The following MAPKAPK5 variants were observed in gnomAD, a reference collection of about 807,000 sequenced individuals.
MAPKAPK5 encodes the protein MAP kinase-activated protein kinase 5.
A neutral mutation model predicts 65.1 loss-of-function variants in MAPKAPK5; 30 were observed. The ratio of observed to expected loss-of-function variants is 0.46; its 90% CI spans 0.34 to 0.63. The LOEUF (loss-of-function observed/expected upper bound fraction) is 0.63. MAPKAPK5 is among the 20% of genes least tolerant of loss of function. The pLI, the probability that MAPKAPK5 is intolerant of heterozygous loss-of-function variation, is 0.01. For synonymous variants in MAPKAPK5, 179 were observed against 204.6 expected (o/e 0.87, Z 1.07); for missense variants, 433 against 581.4 (o/e 0.74, Z 2.63).
intron 7 of MAPKAPK5, among the ~76,000 whole-genome samples, chr12:111,874,487 T>TG (rs1692382011): frequency 1.3e-5 from 2 of 149,712 alleles, no homozygotes; most frequent in East Asian, 3.9e-4. Flanking sequence ...TTTTTTTTTT[T>TG]GAGATGGAAT....
Position 111,883,366 on chromosome 12 carries a change from C to T in MAPKAPK5, c.661-215C>T, listed in dbSNP as rs1338448672. On this transcript the variant is annotated intron_variant, in intron 8 of 13. Coordinates refer to ENST00000550735, the MANE Select transcript of MAPKAPK5 (RefSeq NM_003668.4). This position sits in a 1 kb window ranked among gnomAD's most constrained non-coding sequence, Gnocchi z 4.8. ...CTGCACTCCAGCCTGGGCAACAGAG[C>T]AAGACTCTGTCTCAAAGAAAAAAAA... Among the ~76,000 whole-genome samples the T allele has an allele frequency of 6.6e-6, 1 of 151,784 alleles. No individual in the cohort carries two copies. Among genetic ancestry groups the T allele is most frequent in the Non-Finnish European group, 1.5e-5 (1 of 67,944 alleles).
At chr12:111,855,853 CTT>C (rs144921229) in intron 1 of MAPKAPK5, among the ~76,000 whole-genome samples, 5 of 135,720 alleles carry the variant, frequency 3.7e-5, no homozygotes, top group Admixed American at 2.2e-4. Context: ...TGTTTAATTT[CTT>C]TTTTTTTTTT....
At chr12:111,845,156 A>G (rs1233810432) in intron 1 of MAPKAPK5, among the ~76,000 whole-genome samples, 1 of 151,652 alleles carries the variant, frequency 6.6e-6, no homozygotes, top group Non-Finnish European at 1.5e-5. Context: ...ACAGAGTCTC[A>G]CTCTGTCACC....
chr12:111,887,850 C>CAT, intron 10 of MAPKAPK5: 1 of 143,938 alleles, frequency 6.9e-6, no homozygotes, highest in Non-Finnish European at 1.5e-5. Flanking sequence ...CACACACACA[C>CAT]ACACATTCTG....
chr12:111,892,937 G>T, intron 13 of MAPKAPK5, 30 bp from the exon 14 acceptor site: 1 of 1,501,656 alleles, frequency 6.7e-7, no homozygotes. Flanking sequence ...AAGAATTTGA[G>T]GACTGACCTT....
At position 111,897,911 on chromosome 12, in the gene MAPKAPK5, G is replaced by A. The variant is rs898424351; in HGVS notation, c.*4850G>A. On this transcript the variant is annotated 3_prime_UTR_variant, in exon 14 of 14. Coordinates refer to ENST00000550735, the MANE Select transcript of MAPKAPK5 (RefSeq NM_003668.4). ...AATTATACAAGATAAAAAATGTAGA[G>A]TTTTATTTTTCTTCATCTAGAATGC... 1 of 151,406 alleles carries A rather than the reference G, an allele frequency of 6.6e-6. No individual in the cohort carries two copies. Among genetic ancestry groups the A allele is most frequent in the Admixed American group, 6.6e-5 (1 of 15,090 alleles). The allele number at this position is 151,406 out of a possible 1,614,324, so 9.4% of individuals were successfully genotyped here.
intron 5 of MAPKAPK5, among the ~76,000 whole-genome samples, 176 bp downstream of exon 5, chr12:111,869,037 T>TG (rs1160349586): frequency 1.3e-5 from 2 of 152,142 alleles, no homozygotes; most frequent in Non-Finnish European, 2.9e-5. Flanking sequence ...CTTTTATACT[T>TG]GGGGGTGGGG....
intron 5 of MAPKAPK5, 93 bp downstream of exon 5, chr12:111,868,954 G>T: frequency 2.1e-6 from 2 of 973,212 alleles, no homozygotes; most frequent in Non-Finnish European, 3.1e-6. Flanking sequence ...TTAAAGAAAA[G>T]CTCTATTTGA....
At chr12:111,842,835 A>G (rs1431607937) in intron 1 of MAPKAPK5, 66 bp downstream of exon 1, 8 of 1,257,440 alleles carry the variant, frequency 6.4e-6, no homozygotes, top group Admixed American at 3.9e-5. Flanking sequence ...TCTAGCCTCA[A>G]AAAGCAGGGA....
At chr12:111,850,569 C>T (rs529269536) in intron 1 of MAPKAPK5, among the ~76,000 whole-genome samples, 7 of 152,186 alleles carry the variant, frequency 4.6e-5, no homozygotes, top group East Asian at 1.9e-4. Flanking sequence ...GACCAAGAGG[C>T]GGCAAACAAG....
intron 8 of MAPKAPK5, among the ~76,000 whole-genome samples, chr12:111,881,652 C>T (rs555347402): frequency 1.3e-5 from 2 of 152,010 alleles, no homozygotes; most frequent in East Asian, 1.9e-4. Flanking sequence ...GTGATCCACT[C>T]GCCTCGGCCT....
intron 5 of MAPKAPK5, among the ~76,000 whole-genome samples, chr12:111,869,732 A>G (rs898628894): frequency 2.0e-5 from 3 of 152,222 alleles, no homozygotes; most frequent in Non-Finnish European, 4.4e-5. Context: ...GAGCTCTGAT[A>G]ATCTTCTATA....
chr12:111,900,642 T>A lies in MAPKAPK5; in HGVS notation c.*7581T>A, dbSNP rs1235494395. 2.2e-6 allele frequency: 1 copy of A among 455,978 alleles called. No individual in the cohort carries two copies. Among genetic ancestry groups the A allele is most frequent in the Admixed American group, 2.3e-5 (1 of 42,556 alleles). 28.2% of individuals were successfully genotyped at this position (455,978 alleles called of 1,614,324 possible). A position where few individuals can be genotyped will look rare whatever the true frequency, so the allele number is the denominator to read the frequency against. Reference sequence around the variant, plus strand: ...TTCTCTATGTCAGCATCATGCATGCTGTGATGAAAACTGTATACTGAAGGC... The same window carrying A: ...TTCTCTATGTCAGCATCATGCATGCAGTGATGAAAACTGTATACTGAAGGC... On this transcript the variant is annotated 3_prime_UTR_variant, in exon 14 of 14. Coordinates refer to ENST00000550735, the MANE Select transcript of MAPKAPK5 (RefSeq NM_003668.4).
intron 1 of MAPKAPK5, among the ~76,000 whole-genome samples, chr12:111,860,343 T>C (rs1425436199): frequency 6.6e-6 from 1 of 152,234 alleles, no homozygotes; most frequent in Non-Finnish European, 1.5e-5. Context: ...TTTTTCCTGG[T>C]TCTCTTAGGT....
At chr12:111,848,995 C>T (rs1458793260) in intron 1 of MAPKAPK5, among the ~76,000 whole-genome samples, 1 of 152,084 alleles carries the variant, frequency 6.6e-6, no homozygotes, top group Non-Finnish European at 1.5e-5. Context: ...TACTTCTGAC[C>T]TCAAGTGATC....
rs201950716 is a variant in MAPKAPK5 at position 111,842,776 on chromosome 12, G to T, written c.36+7G>T. On this transcript the variant is annotated splice_region_variant and intron_variant, in intron 1 of 13. Transcript: ENST00000550735. Reference sequence around the variant, plus strand: ...CATGGACAAAGCCATCAAGGTAAGGGGGAGGTGCCCCCTCTTCCCCCGCGT... The same window carrying T: ...CATGGACAAAGCCATCAAGGTAAGGTGGAGGTGCCCCCTCTTCCCCCGCGT... The T allele has an allele frequency of 1.5e-6, 2 of 1,326,734 alleles. No individual in the cohort carries two copies. Among genetic ancestry groups the T allele is most frequent in the Middle Eastern group, 2.0e-4 (1 of 4,966 alleles). The allele number at this position is 1,326,734 out of a possible 1,614,324, so 82.2% of individuals were successfully genotyped here.
intron 1 of MAPKAPK5, among the ~76,000 whole-genome samples, chr12:111,848,167 C>G (rs748681964): frequency 1.4e-4 from 21 of 152,152 alleles, no homozygotes; most frequent in Non-Finnish European, 2.4e-4. Flanking sequence ...GAACTGTTTT[C>G]CAAAGTGGTT....
At chr12:111,850,481 C>T (rs896400465) in intron 1 of MAPKAPK5, among the ~76,000 whole-genome samples, 1 of 152,012 alleles carries the variant, frequency 6.6e-6, no homozygotes, top group Non-Finnish European at 1.5e-5. Context: ...AATTTAATGC[C>T]AGCAAAGGAT....
At chr12:111,884,094 C>G (rs997673329) in intron 9 of MAPKAPK5, among the ~76,000 whole-genome samples, 1 of 152,114 alleles carries the variant, frequency 6.6e-6, no homozygotes, top group African/African-American at 2.4e-5. Flanking sequence ...GCTGGCATGT[C>G]ATTTGGGACA....
Sources: allele counts gnomAD v4.1 joint callset (sites outside exome capture counted in the v4.1 genomes callset), GRCh38; gene constraint gnomAD v4.1.1; non-coding constraint Gnocchi (gnomAD v3.1); transcripts MANE v1.5; gene names NCBI Gene and HGNC (gene_info 2026-07-23, HGNC 2026-07-21).